Variants in KCND2 observed in about 807,000 individuals in gnomAD.
KCND2 encodes A-type voltage-gated potassium channel KCND2.
A neutral mutation model predicts 54.4 loss-of-function variants in KCND2; 16 were observed. That is an observed-to-expected ratio of 0.29 (90% confidence interval 0.20 to 0.45). The LOEUF is 0.45. KCND2 is among the 20% of genes least tolerant of loss of function. The pLI is 1.00. For missense variants in KCND2, 486 were observed against 824.2 expected (o/e 0.59, Z 5.02); for synonymous variants, 317 against 310.7 (o/e 1.02, Z -0.21).
At chr7:120,280,410 T>G (rs531371666) in intron 1 of KCND2, among the ~76,000 whole-genome samples, 1 of 152,204 alleles carries the variant, frequency 6.6e-6, no homozygotes, top group East Asian at 1.9e-4. Context: ...CAGAAAAGGT[T>G]TAATATGTGT....
intron 1 of KCND2, among the ~76,000 whole-genome samples, chr7:120,334,044 A>G (rs1800108191): frequency 6.6e-6 from 1 of 152,170 alleles, no homozygotes. Context: ...TTCTTGAGGT[A>G]ATACCTTTGT....
chr7:120,677,524 T>TATATAGATATAG (rs1554384942), intron 1 of KCND2, among the ~76,000 whole-genome samples: 24 of 128,978 alleles, frequency 1.9e-4, no homozygotes, highest in South Asian at 1.1e-3. Flanking sequence ...CAAATATATA[T>TATATAGATATAG]ATATAGATAT....
At chr7:120,493,047 C>T (rs1802806218) in intron 1 of KCND2, among the ~76,000 whole-genome samples, 1 of 151,960 alleles carries the variant, frequency 6.6e-6, no homozygotes, top group Admixed American at 6.6e-5. Flanking sequence ...CCTCCAAAGC[C>T]TCCACCTCTG....
At chr7:120,553,228 C>T (rs1792123101) in intron 1 of KCND2, among the ~76,000 whole-genome samples, 2 of 152,326 alleles carry the variant, frequency 1.3e-5, no homozygotes, top group Middle Eastern at 3.4e-3. Flanking sequence ...GTAGATTCCA[C>T]ATCTAAGTGA....
chr7:120,425,572 A>G (rs1267587696), intron 1 of KCND2, among the ~76,000 whole-genome samples: 1 of 152,190 alleles, frequency 6.6e-6, no homozygotes, highest in Admixed American at 6.5e-5. Context: ...CAACTATTTT[A>G]CTATAGACAT....
At chr7:120,377,279 G>A (rs1800846355) in intron 1 of KCND2, among the ~76,000 whole-genome samples, 1 of 151,926 alleles carries the variant, frequency 6.6e-6, no homozygotes, top group Non-Finnish European at 1.5e-5. Context: ...TAGAGCTCAA[G>A]TATTTATCTT....
At chr7:120,397,184 A>C (rs915726402) in intron 1 of KCND2, among the ~76,000 whole-genome samples, 6 of 152,186 alleles carry the variant, frequency 3.9e-5, no homozygotes, top group African/African-American at 1.4e-4. Flanking sequence ...TGTCCATTTA[A>C]ACAACTAATA....
At chr7:120,535,132 A>G (rs73437868) in intron 1 of KCND2, among the ~76,000 whole-genome samples, 6,438 of 152,204 alleles carry the variant, frequency 0.042, 458 homozygotes, top group African/African-American at 0.14. Flanking sequence ...GGGCTGCTCT[A>G]TATCCTTTAG....
At chr7:120,323,567 C>A (rs925809356) in intron 1 of KCND2, among the ~76,000 whole-genome samples, 3 of 149,772 alleles carry the variant, frequency 2.0e-5, no homozygotes, top group South Asian at 2.1e-4. Flanking sequence ...TTTGTCCTTG[C>A]GATAGTTTAC....
In KCND2 at chr7:120,275,182, G is replaced by A; in HGVS notation, c.550G>A (p.Ala184Thr). Residue 184 changes from alanine to threonine, a missense_variant, in exon 1 of 6, where the codon GCC becomes ACC. Transcript: ENST00000331113. ...CGAGAACCCCCACACCAGCACGATG[G>A]CCCTGGTGTTCTACTATGTCACGGG... ...AFENPHTSTMALVFYYVTGFF... is the reference protein window; with the variant it reads ...AFENPHTSTMTLVFYYVTGFF... 1 of 1,614,036 alleles carries A rather than the reference G, an allele frequency of 6.2e-7. No individual in the cohort carries two copies. Among genetic ancestry groups the A allele is most frequent in the Non-Finnish European group, 8.5e-7 (1 of 1,180,018 alleles).
At chr7:120,438,368 C>T (rs1228091697) in intron 1 of KCND2, among the ~76,000 whole-genome samples, 1 of 152,072 alleles carries the variant, frequency 6.6e-6, no homozygotes, top group Non-Finnish European at 1.5e-5. Context: ...GTATAGCCTC[C>T]TGATAATAAT....
At chr7:120,733,148 G>T (rs1792828550) in intron 2 of KCND2, 83 bp downstream of exon 2, 1 of 1,419,524 alleles carries the variant, frequency 7.0e-7, no homozygotes, top group South Asian at 1.2e-5. Flanking sequence ...TGGTTATTCA[G>T]TGCTCTGGAT....
At position 120,363,267 on chromosome 7, in the gene KCND2, GC is replaced by G. The variant is rs1236745757; in HGVS notation, c.1115+87523del. Among the ~76,000 whole-genome samples the G allele has an allele frequency of 1.3e-5, 2 of 152,010 alleles. 1 individual carries two copies. Among genetic ancestry groups the G allele is most frequent in the Non-Finnish European group, 2.9e-5 (2 of 67,996 alleles). On this transcript the variant is annotated intron_variant, in intron 1 of 5. Transcript: ENST00000331113. ...GCTTTTATTGTGTCACTGCACTTTG[GC>G]CCTTGAGCCTGGATGACAGAGCAAG...
intron 1 of KCND2, among the ~76,000 whole-genome samples, chr7:120,566,670 C>G (rs539294675): frequency 7.2e-5 from 11 of 152,108 alleles, no homozygotes; most frequent in Admixed American, 2.6e-4. Context: ...ATTCCCATTA[C>G]TATTTTTGTA....
chr7:120,663,426 A>G (rs564667759), intron 1 of KCND2, among the ~76,000 whole-genome samples: 2 of 152,194 alleles, frequency 1.3e-5, no homozygotes, highest in African/African-American at 4.8e-5. Flanking sequence ...TAGTCTTCCA[A>G]TTTTATGATG....
chr7:120,332,985 G>T (rs1434046073), intron 1 of KCND2, among the ~76,000 whole-genome samples: 1 of 151,976 alleles, frequency 6.6e-6, no homozygotes, highest in Non-Finnish European at 1.5e-5. Flanking sequence ...AAATTATTTA[G>T]ATCCATCTGC....
At chr7:120,702,933 T>C (rs1034191882) in intron 1 of KCND2, among the ~76,000 whole-genome samples, 1 of 152,058 alleles carries the variant, frequency 6.6e-6, no homozygotes, top group African/African-American at 2.4e-5. Context: ...GAATTTAAAA[T>C]AAAAGTTAAA....
At chr7:120,462,034 A>G (rs1475712023) in intron 1 of KCND2, among the ~76,000 whole-genome samples, 1 of 152,142 alleles carries the variant, frequency 6.6e-6, no homozygotes, top group African/African-American at 2.4e-5. Flanking sequence ...AATTCCTCTT[A>G]CAATGCCATG....
intron 1 of KCND2, among the ~76,000 whole-genome samples, chr7:120,416,777 C>CA (rs200783464): frequency 0.17 from 18,589 of 112,214 alleles, 2,339 homozygotes; most frequent in East Asian, 0.55. Flanking sequence ...CATAGACTAG[C>CA]AAAAAAAAAA....
Sources: allele counts gnomAD v4.1 joint callset (sites outside exome capture counted in the v4.1 genomes callset), GRCh38; gene constraint gnomAD v4.1.1; transcripts MANE v1.5; gene names NCBI Gene and HGNC (gene_info 2026-07-23, HGNC 2026-07-21).